The following GPHN variants were observed in gnomAD, a reference collection of about 807,000 sequenced individuals.
GPHN encodes gephyrin.
GPHN carries 17 observed loss-of-function variants against 95.5 expected under a neutral mutation model. That is an observed-to-expected ratio of 0.18 (90% CI 0.12 to 0.27). The LOEUF is 0.27. Ranked by LOEUF, GPHN falls within the 10% of genes least tolerant of loss-of-function variation. The pLI is 1.00. For synonymous variants in GPHN, 320 were observed against 322.5 expected (o/e 0.99, Z 0.08); for missense variants, 660 against 978.1 (o/e 0.67, Z 4.34).
chr14:67,040,938 G>A (rs1263706594), intron 10 of GPHN, among the ~76,000 whole-genome samples: 1 of 152,150 alleles, frequency 6.6e-6, no homozygotes, highest in East Asian at 1.9e-4. Context: ...TAAATATCTT[G>A]TAGGGATATA....
chr14:67,278,467 C>T, the GPHN span, among the ~76,000 whole-genome samples: 2 of 152,020 alleles, frequency 1.3e-5, no homozygotes, highest in East Asian at 3.9e-4. Flanking sequence ...TGGGCATGTT[C>T]TCCATCTCAA....
intron 1 of GPHN, among the ~76,000 whole-genome samples, chr14:66,637,178 A>G (rs932159765): frequency 5.9e-5 from 9 of 152,270 alleles, no homozygotes; most frequent in Admixed American, 5.9e-4. Context: ...TTTGGTCTTT[A>G]GAATATAGGG....
chr14:67,150,659 G>A (rs2081227226), intron 18 of GPHN, among the ~76,000 whole-genome samples: 1 of 151,980 alleles, frequency 6.6e-6, no homozygotes, highest in South Asian at 2.1e-4. Context: ...GTAAATAAGA[G>A]AAAGAACATG....
the GPHN span, among the ~76,000 whole-genome samples, chr14:67,428,199 A>C: frequency 3.9e-5 from 6 of 152,100 alleles, no homozygotes; most frequent in Non-Finnish European, 1.5e-5. Flanking sequence ...AATTACAGGC[A>C]TGAGCCACCG....
the GPHN span, chr14:67,395,585 T>G: frequency 6.2e-7 from 1 of 1,613,862 alleles, no homozygotes; most frequent in Non-Finnish European, 8.5e-7. Flanking sequence ...AATGAGGAGC[T>G]GTGGGAAGAG....
At chr14:67,022,002 C>T (rs921961260) in intron 9 of GPHN, among the ~76,000 whole-genome samples, 2 of 151,840 alleles carry the variant, frequency 1.3e-5, no homozygotes, top group Non-Finnish European at 2.9e-5. Context: ...CCAGATTTTT[C>T]TCTCACTCTT....
chr14:67,722,703 T>C, the GPHN span: 2 of 1,613,520 alleles, frequency 1.2e-6, no homozygotes, highest in Non-Finnish European at 1.7e-6. Context: ...GGTAGCTCCA[T>C]CCATCAGGTT....
At chr14:67,018,376 G>T (rs1374959452) in intron 9 of GPHN, among the ~76,000 whole-genome samples, 1 of 151,978 alleles carries the variant, frequency 6.6e-6, no homozygotes, top group East Asian at 1.9e-4. Context: ...TTTTTTTAAT[G>T]GCTGGTGTAA....
chr14:67,139,444 A>G (rs2080318880), intron 17 of GPHN, among the ~76,000 whole-genome samples: 1 of 152,118 alleles, frequency 6.6e-6, no homozygotes, highest in Non-Finnish European at 1.5e-5. Flanking sequence ...CGTTCTCATT[A>G]GACTCTTTCT....
the GPHN span, among the ~76,000 whole-genome samples, chr14:67,518,629 T>C: frequency 6.6e-6 from 1 of 152,246 alleles, no homozygotes; most frequent in Admixed American, 6.5e-5. Flanking sequence ...CTTAGACATA[T>C]ATTCTGAAAG....
chr14:66,810,082 A>G (rs1374406407), intron 3 of GPHN, among the ~76,000 whole-genome samples: 1 of 151,930 alleles, frequency 6.6e-6, no homozygotes, highest in Admixed American at 6.6e-5. Context: ...ACTAATTATT[A>G]TATAATATAT....
chr14:67,620,891 CAGAAA>C, the GPHN span: 8 of 1,614,040 alleles, frequency 5.0e-6, no homozygotes, highest in African/African-American at 1.3e-5. Context: ...GTGTGACTGA[CAGAAA>C]AGAAAAGGAG....
chr14:67,061,981 T>C (rs2075842415), intron 11 of GPHN, among the ~76,000 whole-genome samples: 2 of 152,214 alleles, frequency 1.3e-5, no homozygotes, highest in African/African-American at 4.8e-5. Context: ...TTAAACACTC[T>C]TCATTCGTGT....
At chr14:67,694,412 T>C in the GPHN span, among the ~76,000 whole-genome samples, 1 of 150,252 alleles carries the variant, frequency 6.7e-6, no homozygotes, top group Non-Finnish European at 1.5e-5. Flanking sequence ...CCCTGCTGAG[T>C]TGGGAATACA....
In GPHN at chr14:66,683,355, T is replaced by C. The variant is rs374481019; in HGVS notation, c.143+2170T>C. Among the ~76,000 whole-genome samples the C allele has an allele frequency of 3.1e-4, 26 of 84,330 alleles. 2 individuals carry two copies. The highest frequency in any genetic ancestry group is 2.3e-3 in the African/African-American group (21 of 9,218). 55.3% of individuals were successfully genotyped at this position (84,330 alleles called of 152,430 possible). A position where few individuals can be genotyped will look rare whatever the true frequency, so the allele number is the denominator to read the frequency against. Reference sequence around the variant, plus strand: ...ATATATATATATATATATATATATATATATATATATATATATATATATATG... The same window carrying C: ...ATATATATATATATATATATATATACATATATATATATATATATATATATG... On this transcript the variant is annotated intron_variant, in intron 2 of 22. Coordinates refer to ENST00000478722, the MANE Select transcript of GPHN (RefSeq NM_020806.5).
the GPHN span, among the ~76,000 whole-genome samples, chr14:67,431,993 A>AT: frequency 6.6e-6 from 1 of 152,198 alleles, no homozygotes; most frequent in Non-Finnish European, 1.5e-5. Flanking sequence ...TTACCCTTAA[A>AT]TTTTTTAACA....
chr14:67,573,775 T>A, the GPHN span: 3 of 1,490,944 alleles, frequency 2.0e-6, no homozygotes, highest in Non-Finnish European at 2.8e-6. This position sits in a 1 kb window ranked among gnomAD's most constrained non-coding sequence, Gnocchi z 4.8. Flanking sequence ...ATTCAGTGGC[T>A]CTCCTCTCCA....
At chr14:67,456,401 G>GGCCA in the GPHN span, among the ~76,000 whole-genome samples, 1 of 152,216 alleles carries the variant, frequency 6.6e-6, no homozygotes, top group Admixed American at 6.5e-5. Context: ...AGGAGTTTGA[G>GGCCA]GCCAGCCTGG....
At chr14:66,663,052 T>G (rs572913374) in intron 1 of GPHN, among the ~76,000 whole-genome samples, 9 of 152,284 alleles carry the variant, frequency 5.9e-5, no homozygotes, top group African/African-American at 2.2e-4. Flanking sequence ...GAAAATATAT[T>G]TCAGGATATC....
Sources: gnomAD v4.1 joint callset for allele counts (sites outside exome capture counted in the v4.1 genomes callset) on GRCh38, gnomAD v4.1.1 for gene constraint, Gnocchi (gnomAD v3.1) non-coding constraint, MANE v1.5 for transcripts, NCBI Gene and HGNC (gene_info 2026-07-23, HGNC 2026-07-21) for gene names.